The following AQP7B variants were observed in gnomAD, a reference collection of about 807,000 sequenced individuals.
AQP7B encodes aquaporin 7B.
At chr2:94,601,220 C>T in the AQP7B span, among the ~76,000 whole-genome samples, 1 of 152,200 alleles carries the variant, frequency 6.6e-6, no homozygotes, top group Admixed American at 6.5e-5. Flanking sequence ...CTCTAAGCTT[C>T]AGATTACCCA....
chr2:94,601,659 G>A, the AQP7B span, among the ~76,000 whole-genome samples: 1 of 152,126 alleles, frequency 6.6e-6, no homozygotes, highest in African/African-American at 2.4e-5. Flanking sequence ...ACAGGGAGGG[G>A]GCAACCAGGA....
the AQP7B span, among the ~76,000 whole-genome samples, chr2:94,592,456 T>C: frequency 6.6e-6 from 1 of 152,042 alleles, no homozygotes; most frequent in South Asian, 2.1e-4. Flanking sequence ...GTTGCGTGGA[T>C]ATTCCACTGG....
At chr2:94,597,167 A>C in the AQP7B span, among the ~76,000 whole-genome samples, 1 of 151,534 alleles carries the variant, frequency 6.6e-6, no homozygotes, top group Non-Finnish European at 1.5e-5. Context: ...TTACCTCCCC[A>C]CCTGCTTTGG....
At chr2:94,602,549 C>G in the AQP7B span, 1 of 1,604,110 alleles carries the variant, frequency 6.2e-7, no homozygotes, top group Non-Finnish European at 8.5e-7. Context: ...TGGGAGCTAC[C>G]TTGGTGTCAA....
the AQP7B span, among the ~76,000 whole-genome samples, chr2:94,602,108 G>A: frequency 5.3e-5 from 8 of 151,424 alleles, no homozygotes; most frequent in Non-Finnish European, 8.8e-5. Context: ...GTCCCTTGAA[G>A]AAACTTCCTT....
At chr2:94,598,211 C>T in the AQP7B span, among the ~76,000 whole-genome samples, 1 of 151,848 alleles carries the variant, frequency 6.6e-6, no homozygotes, top group Non-Finnish European at 1.5e-5. Context: ...GAAGTGAGGG[C>T]TTTTTTTTAA....
chr2:94,602,018 AGTGTGTGTGTGT>A, the AQP7B span, among the ~76,000 whole-genome samples: 8 of 139,944 alleles, frequency 5.7e-5, no homozygotes, highest in East Asian at 2.2e-4. Context: ...ATTGCGGCGG[AGTGTGTGTGTGT>A]GTGTGTGTGT....
At chr2:94,603,676 G>C in the AQP7B span, 1 of 1,349,366 alleles carries the variant, frequency 7.4e-7, no homozygotes, top group South Asian at 1.5e-5. Context: ...GCTTGGGGAG[G>C]GGCCCAGGTG....
the AQP7B span, among the ~76,000 whole-genome samples, chr2:94,599,882 T>A: frequency 6.6e-6 from 1 of 151,732 alleles, no homozygotes; most frequent in South Asian, 2.1e-4. Context: ...TTTTTCTTTT[T>A]TTTTTCTTTT....
At chr2:94,597,150 T>C in the AQP7B span, among the ~76,000 whole-genome samples, 1 of 152,054 alleles carries the variant, frequency 6.6e-6, no homozygotes, top group African/African-American at 2.4e-5. Context: ...CCTCCCCTAC[T>C]CCTCTCTTAC....
At chr2:94,600,904 C>T in the AQP7B span, among the ~76,000 whole-genome samples, 687 of 150,020 alleles carry the variant, frequency 4.6e-3, 20 homozygotes, top group East Asian at 0.071. Flanking sequence ...AAATTGGCTG[C>T]GTGCCGAGGC....
the AQP7B span, chr2:94,603,961 G>C: frequency 8.8e-6 from 10 of 1,134,776 alleles, no homozygotes; most frequent in Middle Eastern, 3.0e-4. Context: ...ATTCCTTTGA[G>C]TTTTTCTGTG....
chr2:94,594,755 G>T, the AQP7B span: 6 of 1,579,868 alleles, frequency 3.8e-6, no homozygotes, highest in African/African-American at 6.7e-5. Flanking sequence ...TCCACCCGTG[G>T]CTCCAAAATG....
At chr2:94,594,510 G>C in the AQP7B span, among the ~76,000 whole-genome samples, 2 of 152,164 alleles carry the variant, frequency 1.3e-5, no homozygotes, top group Non-Finnish European at 2.9e-5. Context: ...CATTTTTACT[G>C]GTCTAGTCCC....
At chr2:94,603,221 A>G in the AQP7B span, 7 of 1,439,116 alleles carry the variant, frequency 4.9e-6, no homozygotes, top group South Asian at 2.5e-5. Context: ...GCCGCCTCCT[A>G]TGAAATATGG....
the AQP7B span, among the ~76,000 whole-genome samples, chr2:94,600,988 A>G: frequency 3.3e-5 from 5 of 152,286 alleles, no homozygotes; most frequent in East Asian, 9.7e-4. Flanking sequence ...GGAGGCTGCA[A>G]TGAGCCCTGA....
chr2:94,604,579 G>C, the AQP7B span: 2 of 1,563,976 alleles, frequency 1.3e-6, no homozygotes, highest in Non-Finnish European at 1.7e-6. Context: ...TCTAAGCAGA[G>C]ATTATTTGTG....
the AQP7B span, among the ~76,000 whole-genome samples, chr2:94,590,667 G>A: frequency 2.6e-5 from 4 of 152,102 alleles, no homozygotes; most frequent in Non-Finnish European, 4.4e-5. Context: ...AAGCCACCGG[G>A]CATGGTGGCT....
chr2:94,603,400 T>C, the AQP7B span: 5 of 1,607,224 alleles, frequency 3.1e-6, no homozygotes, highest in Non-Finnish European at 4.3e-6. Context: ...TCTCCACTTT[T>C]CGGGTGGAGA....
Sources: allele counts gnomAD v4.1 joint callset (sites outside exome capture counted in the v4.1 genomes callset), GRCh38; gene constraint gnomAD v4.1.1; transcripts MANE v1.5; gene names NCBI Gene and HGNC (gene_info 2026-07-23, HGNC 2026-07-21).